Variants in GRID2 observed in about 807,000 individuals in gnomAD.
GRID2 encodes the protein glutamate ionotropic receptor delta type subunit 2.
GRID2 carries 33 observed loss-of-function variants against 114.8 expected under a neutral mutation model. That is an observed-to-expected ratio of 0.29 (90% CI 0.22 to 0.38). The LOEUF (loss-of-function observed/expected upper bound fraction) is 0.38, where lower values mean the gene tolerates loss of function less well. Among genes scored for constraint, GRID2 ranks in the 10% least tolerant of loss-of-function variants. The pLI, the probability that GRID2 is intolerant of heterozygous loss-of-function variation, is 1.00. For missense variants in GRID2, 1,184 were observed against 1,257.7 expected (o/e 0.94, Z 0.89); for synonymous variants, 505 against 449.9 (o/e 1.12, Z -1.55).
intron 2 of GRID2, among the ~76,000 whole-genome samples, chr4:92,888,823 T>G (rs1746547480): frequency 6.6e-6 from 1 of 151,624 alleles, no homozygotes; most frequent in African/African-American, 2.4e-5. Context: ...TCAGTTCTTT[T>G]TAATGCAAAT....
rs1374563385 is a variant in GRID2 at position 92,875,179 on chromosome 4, C to T, written c.245-209816C>T. 5.6e-5 allele frequency among the ~76,000 whole-genome samples: 7 copies of T among 124,152 alleles called. No individual in the cohort carries two copies. In the South Asian group the frequency reaches 1.7e-3, roughly 30 times the overall value. 81.4% of individuals were successfully genotyped at this position (124,152 alleles called of 152,430 possible). On this transcript the variant is annotated intron_variant, in intron 2 of 15. Coordinates refer to ENST00000282020, the MANE Select transcript of GRID2 (RefSeq NM_001510.4). ...TTTTTTTTTTTTTTTTTTTTTTTCC[C>T]GAGACGGAGTCTCACACTGTTGCCC...
At chr4:92,792,504 C>G (rs1739642156) in intron 2 of GRID2, among the ~76,000 whole-genome samples, 1 of 144,816 alleles carries the variant, frequency 6.9e-6, no homozygotes, top group Non-Finnish European at 1.5e-5. Context: ...CACACACACA[C>G]TGTCACTCTC....
intron 9 of GRID2, among the ~76,000 whole-genome samples, chr4:93,418,872 A>T (rs1035901383): frequency 3.9e-5 from 6 of 152,002 alleles, no homozygotes; most frequent in Admixed American, 3.9e-4. Context: ...TTGTGTTAAA[A>T]TTTGAGATTA....
At chr4:93,753,933 A>C (rs1193962780) in intron 14 of GRID2, among the ~76,000 whole-genome samples, 1 of 152,178 alleles carries the variant, frequency 6.6e-6, no homozygotes, top group Non-Finnish European at 1.5e-5. Flanking sequence ...ATGGGGATAC[A>C]TTCTGAGAAA....
chr4:92,687,567 A>G (rs1733971508), intron 2 of GRID2, among the ~76,000 whole-genome samples: 1 of 152,104 alleles, frequency 6.6e-6, no homozygotes, highest in Non-Finnish European at 1.5e-5. Flanking sequence ...TGGTGGCTCA[A>G]GCCTGTAATC....
At chr4:93,802,787 A>G (rs1408685221) in intron 1 of GRID2, among the ~76,000 whole-genome samples, 2 of 152,248 alleles carry the variant, frequency 1.3e-5, no homozygotes, top group African/African-American at 2.4e-5. Flanking sequence ...TAAAAAAACC[A>G]TAATTAAGGG....
intron 2 of GRID2, among the ~76,000 whole-genome samples, chr4:93,027,326 A>G (rs946077367): frequency 2.0e-5 from 3 of 152,106 alleles, no homozygotes; most frequent in African/African-American, 7.2e-5. Context: ...CTTTATTACT[A>G]ACTTCAACAT....
At chr4:92,930,152 A>C (rs1750116240) in intron 2 of GRID2, among the ~76,000 whole-genome samples, 1 of 151,328 alleles carries the variant, frequency 6.6e-6, no homozygotes, top group South Asian at 2.1e-4. Context: ...ACTCAAGATC[A>C]CATAGACAGG....
intron 8 of GRID2, among the ~76,000 whole-genome samples, chr4:93,388,744 C>G (rs986255177): frequency 2.0e-5 from 3 of 152,112 alleles, no homozygotes; most frequent in Non-Finnish European, 4.4e-5. Context: ...ATGAAATTAG[C>G]TTCGGCTAGG....
intron 2 of GRID2, among the ~76,000 whole-genome samples, chr4:92,959,900 A>G (rs1752683127): frequency 6.6e-6 from 1 of 151,978 alleles, no homozygotes; most frequent in South Asian, 2.1e-4. Flanking sequence ...GAAATACCTA[A>G]TGTAGATGAT....
At chr4:93,316,780 A>G (rs1328813054) in intron 8 of GRID2, among the ~76,000 whole-genome samples, 1 of 152,178 alleles carries the variant, frequency 6.6e-6, no homozygotes, top group Non-Finnish European at 1.5e-5. Flanking sequence ...TTAAATACAT[A>G]TATGTATTTG....
intron 2 of GRID2, among the ~76,000 whole-genome samples, chr4:92,699,832 A>C (rs1332515385): frequency 6.6e-6 from 1 of 152,148 alleles, no homozygotes; most frequent in Non-Finnish European, 1.5e-5. Flanking sequence ...AGATTTATAA[A>C]ATTCTGTTAT....
intron 2 of GRID2, among the ~76,000 whole-genome samples, chr4:93,030,215 A>G (rs572490193): frequency 6.6e-6 from 1 of 152,250 alleles, no homozygotes; most frequent in East Asian, 1.9e-4. Context: ...TTTTTTTGGA[A>G]TACAGAAAAC....
chr4:93,763,812 T>C (rs1733411008), intron 14 of GRID2, among the ~76,000 whole-genome samples: 1 of 152,160 alleles, frequency 6.6e-6, no homozygotes, highest in Non-Finnish European at 1.5e-5. Flanking sequence ...CTGCAACCTT[T>C]CCCATTCTAA....
intron 14 of GRID2, among the ~76,000 whole-genome samples, chr4:93,634,963 T>A (rs1721283985): frequency 6.6e-6 from 1 of 152,006 alleles, no homozygotes; most frequent in African/African-American, 2.4e-5. Flanking sequence ...TGGTCATCTA[T>A]TACAAGTTTG....
chr4:92,783,959 T>A (rs1439255744), intron 2 of GRID2, among the ~76,000 whole-genome samples: 1 of 152,052 alleles, frequency 6.6e-6, no homozygotes, highest in Non-Finnish European at 1.5e-5. Context: ...GTTTTGGTAA[T>A]TGGGAAAAAT....
At chr4:92,472,730 C>G (rs1722105257) in intron 1 of GRID2, among the ~76,000 whole-genome samples, 1 of 152,076 alleles carries the variant, frequency 6.6e-6, no homozygotes, top group Non-Finnish European at 1.5e-5. Context: ...TTCATTGTTT[C>G]AATGTCTCTT....
chr4:93,430,751 A>C (rs1305102672), intron 10 of GRID2, among the ~76,000 whole-genome samples: 1 of 152,244 alleles, frequency 6.6e-6, no homozygotes, highest in Non-Finnish European at 1.5e-5. Flanking sequence ...GCAATGATAG[A>C]GAAGCACTAA....
chr4:92,987,643 C>A (rs1414592126), intron 2 of GRID2, among the ~76,000 whole-genome samples: 1 of 150,726 alleles, frequency 6.6e-6, no homozygotes, highest in Non-Finnish European at 1.5e-5. Context: ...AAAAATAAAT[C>A]CTATTGATGC....
Sources: allele counts gnomAD v4.1 joint callset (sites outside exome capture counted in the v4.1 genomes callset), GRCh38; gene constraint gnomAD v4.1.1; transcripts MANE v1.5; gene names NCBI Gene and HGNC (gene_info 2026-07-23, HGNC 2026-07-21).